The following USP47 variants were observed in gnomAD, a reference collection of about 807,000 sequenced individuals.
The protein encoded by USP47 is ubiquitin carboxyl-terminal hydrolase 47.
A neutral mutation model predicts 165.1 loss-of-function variants in USP47; 35 were observed. The observed-to-expected ratio is 0.21, with a 90% CI of 0.16 to 0.28. USP47 has a LOEUF of 0.28. Among genes scored for constraint, USP47 ranks in the 10% least tolerant of loss-of-function variants. The pLI is 1.00. For synonymous variants in USP47, 531 were observed against 544.5 expected (o/e 0.98, Z 0.35); for missense variants, 1,277 against 1,607.4 (o/e 0.79, Z 3.52).
intron 11 of USP47, 62 bp downstream of exon 11, chr11:11,922,953 A>C (rs1231893015): frequency 4.0e-6 from 6 of 1,490,404 alleles, no homozygotes; most frequent in Non-Finnish European, 5.5e-6. Flanking sequence ...TTCCTATATA[A>C]TTCTATAGCT....
intron 1 of USP47, among the ~76,000 whole-genome samples, chr11:11,865,508 C>T (rs940237948): frequency 2.0e-5 from 3 of 151,798 alleles, no homozygotes; most frequent in African/African-American, 7.2e-5. Context: ...TTTTTTCAGG[C>T]GTTTAGTAAT....
chr11:11,907,747 A>G (rs978235271), intron 8 of USP47, among the ~76,000 whole-genome samples: 1 of 152,176 alleles, frequency 6.6e-6, no homozygotes, highest in Non-Finnish European at 1.5e-5. Flanking sequence ...CTCTCTTAAA[A>G]TTATTATTCT....
Position 11,877,834 on chromosome 11 carries a change from TGTGTGTGTGTGTGTGTGTGTGTGTGC to T in USP47, c.40-2341_40-2316del, listed in dbSNP as rs1260801542. 3.8e-3 allele frequency among the ~76,000 whole-genome samples: 331 copies of T among 87,382 alleles called. 3 individuals are homozygous for T. The highest frequency in any genetic ancestry group is 8.4e-3 in the East Asian group (19 of 2,270). 57.3% of individuals were successfully genotyped at this position (87,382 alleles called of 152,430 possible). On this transcript the variant is annotated intron_variant, in intron 1 of 27. Coordinates refer to ENST00000527733, the MANE Select transcript of USP47 (RefSeq NM_001282659.2). ...GTGTGTGTGTGTGTGTGTGTGTGTG[TGTGTGTGTGTGTGTGTGTGTGTGTGC>T]GCGCGCGCAGATAAGATATTTGGAA...
chr11:11,886,154 A>C (rs1234270679), intron 3 of USP47, among the ~76,000 whole-genome samples: 2 of 152,222 alleles, frequency 1.3e-5, no homozygotes, highest in Admixed American at 6.5e-5. Context: ...GAATCAACAC[A>C]AAAATGTCAA....
At chr11:11,867,210 T>C (rs1849741336) in intron 1 of USP47, among the ~76,000 whole-genome samples, 2 of 152,204 alleles carry the variant, frequency 1.3e-5, no homozygotes, top group African/African-American at 4.8e-5. Flanking sequence ...TCTGACTACA[T>C]GTAAATTCTT....
At chr11:11,932,716 T>A (rs1208169450) in intron 14 of USP47, among the ~76,000 whole-genome samples, 1 of 152,126 alleles carries the variant, frequency 6.6e-6, no homozygotes, top group Non-Finnish European at 1.5e-5. Flanking sequence ...GAGAGCTTTT[T>A]CATTCTAAAA....
At chr11:11,916,914 C>G (rs1853462865) in intron 8 of USP47, among the ~76,000 whole-genome samples, 1 of 152,046 alleles carries the variant, frequency 6.6e-6, no homozygotes, top group Admixed American at 6.6e-5. Flanking sequence ...TTTTGAGAGG[C>G]TGAGGCAGGA....
chr11:11,921,088 G>C (rs940326704), intron 10 of USP47, among the ~76,000 whole-genome samples: 1 of 151,320 alleles, frequency 6.6e-6, no homozygotes, highest in Non-Finnish European at 1.5e-5. Context: ...AAAATTCTCT[G>C]GTTCTTCTAT....
intron 16 of USP47, 88 bp from the exon 17 acceptor site, chr11:11,936,215 A>G: frequency 1.4e-6 from 1 of 692,126 alleles, no homozygotes. Flanking sequence ...ATTCCCCAAC[A>G]GACTAAAACA....
At chr11:11,898,651 A>G (rs1393179440) in intron 5 of USP47, among the ~76,000 whole-genome samples, 1 of 152,330 alleles carries the variant, frequency 6.6e-6, no homozygotes, top group African/African-American at 2.4e-5. Context: ...TACAATAGCA[A>G]TATGTATATG....
At chr11:11,879,140 T>C (rs1011086389) in intron 1 of USP47, among the ~76,000 whole-genome samples, 1 of 152,182 alleles carries the variant, frequency 6.6e-6, no homozygotes, top group African/African-American at 2.4e-5. Context: ...AATATAAGAT[T>C]GGAAGAAGTT....
At chr11:11,862,974 C>T (rs571332972) in intron 1 of USP47, among the ~76,000 whole-genome samples, 6 of 152,252 alleles carry the variant, frequency 3.9e-5, no homozygotes, top group Non-Finnish European at 7.4e-5. Flanking sequence ...ATCATCTACC[C>T]CCCTCCCACC....
At chr11:11,861,279 A>G (rs942349140) in intron 1 of USP47, among the ~76,000 whole-genome samples, 15 of 152,068 alleles carry the variant, frequency 9.9e-5, no homozygotes, top group African/African-American at 3.6e-4. Flanking sequence ...ATTTTTTAGT[A>G]GAGACGGGGT....
chr11:11,862,195 A>G (rs1433724370), intron 1 of USP47, among the ~76,000 whole-genome samples: 1 of 152,146 alleles, frequency 6.6e-6, no homozygotes, highest in African/African-American at 2.4e-5. Flanking sequence ...ATCAGTTTCT[A>G]GAAATTAAGT....
chr11:11,939,489 A>C (rs1215406097), intron 18 of USP47, among the ~76,000 whole-genome samples: 1 of 152,056 alleles, frequency 6.6e-6, no homozygotes, highest in Non-Finnish European at 1.5e-5. Flanking sequence ...CTATATTTTG[A>C]CTTCTGTATA....
Position 11,856,279 on chromosome 11 carries a change from G to A in USP47, c.39+14055G>A, listed in dbSNP as rs981346999. Among the ~76,000 whole-genome samples the A allele has an allele frequency of 6.6e-5, 10 of 152,124 alleles. No individual in the cohort carries two copies. The East Asian group carries it at 1.9e-3, about 29-fold the overall frequency. On this transcript the variant is annotated intron_variant, in intron 1 of 27. Coordinates refer to ENST00000527733, the MANE Select transcript of USP47 (RefSeq NM_001282659.2). The stretch of plus-strand genomic sequence containing the variant: ...TTATAAAATTTAGTTGCTGAAACTT[G>A]TTCATGGAAACATTTTTTACTTGCT...
At chr11:11,875,415 G>A (rs1374311503) in intron 1 of USP47, among the ~76,000 whole-genome samples, 1 of 152,114 alleles carries the variant, frequency 6.6e-6, no homozygotes, top group African/African-American at 2.4e-5. Context: ...TATTGGGAAT[G>A]TCAAGAAAAG....
At chr11:11,905,340 T>C (rs1852491590) in intron 7 of USP47, 59 bp from the exon 8 acceptor site, 2 of 1,320,024 alleles carry the variant, frequency 1.5e-6, no homozygotes, top group African/African-American at 3.0e-5. Context: ...TGTAGAATGT[T>C]ACATGTTTTA....
chr11:11,888,826 C>T (rs1851332716), intron 3 of USP47, among the ~76,000 whole-genome samples: 3 of 152,180 alleles, frequency 2.0e-5, no homozygotes, highest in Admixed American at 2.0e-4. Flanking sequence ...AAACTGAATT[C>T]AGCAGCACAT....
Sources: gnomAD v4.1 joint callset for allele counts (sites outside exome capture counted in the v4.1 genomes callset) on GRCh38, gnomAD v4.1.1 for gene constraint, MANE v1.5 for transcripts, NCBI Gene and HGNC (gene_info 2026-07-23, HGNC 2026-07-21) for gene names.